The following MAGI2 variants were observed in gnomAD, a reference collection of about 807,000 sequenced individuals.
The protein encoded by MAGI2 is membrane-associated guanylate kinase, WW and PDZ domain-containing protein 2.
In MAGI2, 35 loss-of-function variants were observed where a neutral mutation model predicts 133.3. The observed-to-expected ratio is 0.26, with a 90% CI of 0.20 to 0.35. The LOEUF (loss-of-function observed/expected upper bound fraction) is 0.35. MAGI2 is among the 10% of genes least tolerant of loss of function. The probability of loss-of-function intolerance (pLI) is 1.00; values close to 1 mark genes in which losing one functional copy is unlikely to be tolerated. For synonymous variants in MAGI2, 729 were observed against 710.6 expected, an observed-to-expected ratio of 1.03 and a Z score of -0.41; for missense variants, 1,636 against 1,863.4, an observed-to-expected ratio of 0.88 and a Z score of 2.25.
intron 6 of MAGI2, among the ~76,000 whole-genome samples, chr7:78,452,483 G>A (rs1788831252): frequency 6.6e-6 from 1 of 151,820 alleles, no homozygotes; most frequent in Admixed American, 6.6e-5. Context: ...TACTATCTAT[G>A]TGCTAATAGT....
intron 6 of MAGI2, among the ~76,000 whole-genome samples, chr7:78,369,906 A>C (rs759490247): frequency 3.9e-5 from 6 of 152,078 alleles, no homozygotes; most frequent in Non-Finnish European, 7.4e-5. Flanking sequence ...ATGCTGTCTG[A>C]AAACTAGGCT....
At chr7:78,061,884 T>A (rs1323590271) in intron 21 of MAGI2, among the ~76,000 whole-genome samples, 1 of 152,230 alleles carries the variant, frequency 6.6e-6, no homozygotes, top group Non-Finnish European at 1.5e-5. Flanking sequence ...GATTTTGTTA[T>A]CATAGTGAAA....
intron 2 of MAGI2, among the ~76,000 whole-genome samples, chr7:78,682,628 G>A (rs1815814417): frequency 6.6e-6 from 1 of 152,074 alleles, no homozygotes; most frequent in Non-Finnish European, 1.5e-5. Flanking sequence ...ATCATTGATG[G>A]GCGTTTGGGT....
At chr7:78,938,785 G>A (rs894405223) in intron 2 of MAGI2, among the ~76,000 whole-genome samples, 1 of 152,140 alleles carries the variant, frequency 6.6e-6, no homozygotes, top group Non-Finnish European at 1.5e-5. Context: ...CCTATTATAT[G>A]AGAGATATAA....
chr7:79,226,627 C>T (rs931536318), intron 1 of MAGI2, among the ~76,000 whole-genome samples: 1 of 152,082 alleles, frequency 6.6e-6, no homozygotes. Flanking sequence ...CTTTCCTATC[C>T]TCCTTTATTT....
chr7:78,827,331 T>C (rs933722182), intron 2 of MAGI2, among the ~76,000 whole-genome samples: 5 of 152,202 alleles, frequency 3.3e-5, no homozygotes, highest in African/African-American at 7.2e-5. Flanking sequence ...AAGGCTGCAG[T>C]GCAGTAGCAT....
chr7:78,688,720 G>A (rs142394545), intron 2 of MAGI2, among the ~76,000 whole-genome samples: 5 of 152,280 alleles, frequency 3.3e-5, no homozygotes, highest in East Asian at 3.9e-4. Context: ...GAAGAAACAC[G>A]TCCTATCCCC....
chr7:78,926,214 T>C (rs1799680465), intron 2 of MAGI2, among the ~76,000 whole-genome samples: 1 of 152,084 alleles, frequency 6.6e-6, no homozygotes, highest in Admixed American at 6.6e-5. Flanking sequence ...TGCTCTTTTA[T>C]GTTAGCCTTG....
chr7:78,779,764 G>T (rs1000358318), intron 2 of MAGI2, among the ~76,000 whole-genome samples: 1 of 152,190 alleles, frequency 6.6e-6, no homozygotes. Context: ...ACTGGGAAGT[G>T]AGCTCCCATT....
intron 1 of MAGI2, among the ~76,000 whole-genome samples, chr7:79,369,445 A>G (rs1296995428): frequency 6.6e-6 from 1 of 152,172 alleles, no homozygotes; most frequent in Admixed American, 6.5e-5. Flanking sequence ...TTTTTGCTGC[A>G]TCTACACATT....
intron 2 of MAGI2, among the ~76,000 whole-genome samples, chr7:78,926,913 G>A (rs1799741120): frequency 6.6e-6 from 1 of 151,770 alleles, no homozygotes; most frequent in Non-Finnish European, 1.5e-5. Flanking sequence ...AGGGGAAACA[G>A]TGAGAAAAAC....
At chr7:78,770,658 C>A (rs1243674188) in intron 2 of MAGI2, among the ~76,000 whole-genome samples, 1 of 152,140 alleles carries the variant, frequency 6.6e-6, no homozygotes, top group Non-Finnish European at 1.5e-5. Context: ...AACAAAAGCT[C>A]CGCAAACAAA....
chr7:78,466,705 C>T (rs376951365), intron 6 of MAGI2, among the ~76,000 whole-genome samples: 7 of 152,194 alleles, frequency 4.6e-5, no homozygotes, highest in African/African-American at 1.2e-4. Context: ...GGGCATACTA[C>T]GTGGTGGGGT....
At chr7:78,588,398 C>T (rs1584753894) in intron 3 of MAGI2, among the ~76,000 whole-genome samples, 2 of 152,208 alleles carry the variant, frequency 1.3e-5, no homozygotes, top group African/African-American at 4.8e-5. Flanking sequence ...GTGAAATATG[C>T]ATAGTTATTA....
chr7:78,057,876 G>T (rs1812756265), intron 21 of MAGI2, among the ~76,000 whole-genome samples: 2 of 151,166 alleles, frequency 1.3e-5, no homozygotes, highest in South Asian at 4.2e-4. Context: ...ATGCCCAGGG[G>T]TAACAAGCTA....
intron 11 of MAGI2, among the ~76,000 whole-genome samples, chr7:78,200,451 G>A (rs1852006): frequency 0.38 from 57,337 of 152,008 alleles, 11,052 homozygotes; most frequent in South Asian, 0.55. Context: ...GCCTATAGTG[G>A]TCAGATGATG....
chr7:78,332,406 A>G (rs1789303099), intron 9 of MAGI2, among the ~76,000 whole-genome samples: 1 of 152,202 alleles, frequency 6.6e-6, no homozygotes, highest in Non-Finnish European at 1.5e-5. Flanking sequence ...TGTCATTATA[A>G]AAGGAGAGTA....
intron 2 of MAGI2, among the ~76,000 whole-genome samples, chr7:78,960,636 C>T (rs1802758694): frequency 6.6e-6 from 1 of 152,172 alleles, no homozygotes; most frequent in East Asian, 1.9e-4. Flanking sequence ...TTATCCTAAA[C>T]TTGCCATTAT....
At chr7:78,741,573 T>C (rs779941246) in intron 2 of MAGI2, among the ~76,000 whole-genome samples, 3 of 152,012 alleles carry the variant, frequency 2.0e-5, no homozygotes, top group African/African-American at 4.8e-5. Flanking sequence ...GAAAGGAAGA[T>C]TGAGTACTCA....
Sources: allele counts gnomAD v4.1 joint callset (sites outside exome capture counted in the v4.1 genomes callset), GRCh38; gene constraint gnomAD v4.1.1; transcripts MANE v1.5; gene names NCBI Gene and HGNC (gene_info 2026-07-23, HGNC 2026-07-21).